Variants in UST observed in about 807,000 individuals in gnomAD.
UST encodes chondroitin sulfate 2-O-sulfotransferase.
UST carries 21 observed loss-of-function variants against 45.6 expected under a neutral mutation model. The ratio of observed to expected loss-of-function variants is 0.46; its 90% CI spans 0.33 to 0.66. UST has a LOEUF of 0.66. Among genes scored for constraint, UST ranks in the 30% least tolerant of loss-of-function variants. The probability of loss-of-function intolerance (pLI) is 0.02; values close to 1 mark genes in which losing one functional copy is unlikely to be tolerated. For missense variants in UST, 463 were observed against 512.4 expected (o/e 0.90, Z 0.93); for synonymous variants, 215 against 200.6 (o/e 1.07, Z -0.61).
intron 7 of UST, among the ~76,000 whole-genome samples, chr6:149,034,735 G>A (rs1776204112): frequency 6.6e-6 from 1 of 152,066 alleles, no homozygotes; most frequent in African/African-American, 2.4e-5. Context: ...CTCATGAAAG[G>A]TGCATGGGAG....
chr6:148,983,293 T>C (rs983841929), intron 5 of UST, among the ~76,000 whole-genome samples: 2 of 152,196 alleles, frequency 1.3e-5, no homozygotes, highest in African/African-American at 4.8e-5. Context: ...GGAGTCTTAC[T>C]GGGTAGGCCC....
intron 1 of UST, among the ~76,000 whole-genome samples, chr6:148,785,915 C>A (rs7739788): frequency 2.0e-5 from 3 of 152,054 alleles, no homozygotes; most frequent in Non-Finnish European, 4.4e-5. Flanking sequence ...ATTGGATATA[C>A]AGAAGTAGAA....
At chr6:149,039,263 G>T (rs1776277886) in intron 7 of UST, among the ~76,000 whole-genome samples, 1 of 152,050 alleles carries the variant, frequency 6.6e-6, no homozygotes, top group Non-Finnish European at 1.5e-5. Flanking sequence ...TTTCACTCTT[G>T]TTGCCCAGGG....
intron 7 of UST, among the ~76,000 whole-genome samples, chr6:149,032,279 G>A (rs973775338): frequency 6.6e-6 from 1 of 152,030 alleles, no homozygotes; most frequent in African/African-American, 2.4e-5. Context: ...TCCTAACAGT[G>A]TGGCAGGGAT....
chr6:148,846,709 T>C (rs1467921029), intron 1 of UST, among the ~76,000 whole-genome samples: 1 of 152,278 alleles, frequency 6.6e-6, no homozygotes, highest in Non-Finnish European at 1.5e-5. Flanking sequence ...GCATCCACCA[T>C]GCTTAGCTCA....
rs1424688626 is a variant in UST, at chr6:148,911,356, G to C, written c.291+24327G>C. Among the ~76,000 whole-genome samples, 3 of 152,200 alleles carry C rather than the reference G, an allele frequency of 2.0e-5. No homozygotes were observed. The East Asian group carries it at 5.8e-4, about 29-fold the overall frequency. On this transcript the variant is annotated intron_variant, in intron 2 of 7. Transcript: ENST00000367463. ...CATTATCTGCGATTTCTGTCAACCT[G>C]TTCTTCCCTAGATCACTTGGCCCAA... is the stretch of plus-strand genomic sequence containing the variant.
chr6:148,753,184 A>G (rs779077816), intron 1 of UST, among the ~76,000 whole-genome samples: 1 of 152,302 alleles, frequency 6.6e-6, no homozygotes, highest in Non-Finnish European at 1.5e-5. Flanking sequence ...AAAGTTTTTA[A>G]TAGTTTAATA....
chr6:148,789,457 A>T (rs200069367), intron 1 of UST, among the ~76,000 whole-genome samples: 6,547 of 108,172 alleles, frequency 0.061, 161 homozygotes, highest in African/African-American at 0.12. Context: ...TCTCTCTCAC[A>T]CACACACACA....
intron 1 of UST, among the ~76,000 whole-genome samples, chr6:148,771,694 C>T (rs1017886565): frequency 1.3e-5 from 2 of 152,120 alleles, no homozygotes; most frequent in Non-Finnish European, 2.9e-5. Context: ...GTGCTCCATG[C>T]CCCAACTGAG....
intron 5 of UST, among the ~76,000 whole-genome samples, chr6:148,966,689 G>T (rs1780807598): frequency 1.3e-5 from 2 of 152,198 alleles, no homozygotes; most frequent in Non-Finnish European, 2.9e-5. Context: ...AGAGAGAAAG[G>T]TGGCAAATGT....
intron 1 of UST, among the ~76,000 whole-genome samples, chr6:148,773,409 C>T (rs778925136): frequency 1.3e-4 from 19 of 150,618 alleles, no homozygotes; most frequent in Non-Finnish European, 2.7e-4. Flanking sequence ...TGCAGTGAGC[C>T]AAGATTGTGC....
chr6:148,858,310 A>G (rs1391414124), intron 1 of UST, among the ~76,000 whole-genome samples: 1 of 152,116 alleles, frequency 6.6e-6, no homozygotes, highest in Non-Finnish European at 1.5e-5. Context: ...CTGATGTAAC[A>G]AGAGTCCAAA....
intron 2 of UST, among the ~76,000 whole-genome samples, chr6:148,909,260 A>G (rs1342347004): frequency 2.6e-5 from 4 of 152,204 alleles, no homozygotes; most frequent in Non-Finnish European, 5.9e-5. Flanking sequence ...AATGGTAATC[A>G]TTGTGATGGC....
chr6:148,794,882 A>G (rs1189143376), intron 1 of UST, among the ~76,000 whole-genome samples: 1 of 152,154 alleles, frequency 6.6e-6, no homozygotes, highest in Non-Finnish European at 1.5e-5. Flanking sequence ...CATCCTTTAA[A>G]CACTCCTTTT....
intron 1 of UST, among the ~76,000 whole-genome samples, chr6:148,865,971 T>C (rs549366485): frequency 7.2e-4 from 110 of 152,102 alleles, no homozygotes; most frequent in Non-Finnish European, 1.4e-3. Flanking sequence ...CAGCCTTATG[T>C]GACATTATTT....
chr6:148,786,908 T>C (rs551003358), intron 1 of UST, among the ~76,000 whole-genome samples: 1 of 152,244 alleles, frequency 6.6e-6, no homozygotes, highest in African/African-American at 2.4e-5. Context: ...ATTGCCATTC[T>C]GACTGGTGTG....
intron 5 of UST, among the ~76,000 whole-genome samples, chr6:149,008,916 C>T (rs1775761636): frequency 6.6e-6 from 1 of 152,242 alleles, no homozygotes; most frequent in East Asian, 1.9e-4. Context: ...AATGTCAGCA[C>T]AGCTCTCCAT....
At chr6:148,755,410 A>G (rs1469511792) in intron 1 of UST, among the ~76,000 whole-genome samples, 2 of 152,226 alleles carry the variant, frequency 1.3e-5, no homozygotes, top group Non-Finnish European at 2.9e-5. Context: ...TCAAAATAAG[A>G]AGCTCTAAAA....
chr6:148,814,424 A>C (rs2114734545), intron 1 of UST, among the ~76,000 whole-genome samples: 1 of 152,340 alleles, frequency 6.6e-6, no homozygotes, highest in Admixed American at 6.5e-5. Context: ...CATGTGAGCC[A>C]GTAGAGTTTG....
Sources: gnomAD v4.1 joint callset for allele counts (sites outside exome capture counted in the v4.1 genomes callset) on GRCh38, gnomAD v4.1.1 for gene constraint, MANE v1.5 for transcripts, NCBI Gene and HGNC (gene_info 2026-07-23, HGNC 2026-07-21) for gene names.